C1GALT1: variants seen among roughly 807,000 people sequenced by gnomAD.
C1GALT1 encodes glycoprotein-N-acetylgalactosamine 3-beta-galactosyltransferase 1.
In C1GALT1, 11 loss-of-function variants were observed where a neutral mutation model predicts 31.0. That is an observed-to-expected ratio of 0.36 (90% CI 0.22 to 0.59). C1GALT1 has a LOEUF of 0.59. Among genes scored for constraint, C1GALT1 ranks in the 20% least tolerant of loss-of-function variants. C1GALT1 has a pLI of 0.79. For missense variants in C1GALT1, 424 were observed against 425.2 expected, an observed-to-expected ratio of 1.00 and a Z score of 0.03; for synonymous variants, 175 against 143.6, an observed-to-expected ratio of 1.22 and a Z score of -1.56.
chr7:7,201,791 C>A (rs759386566), intron 1 of C1GALT1, among the ~76,000 whole-genome samples: 2 of 152,202 alleles, frequency 1.3e-5, no homozygotes, highest in Admixed American at 6.5e-5. Flanking sequence ...TCAGGTTTCA[C>A]GCTTCCCTAC....
chr7:7,169,543 T>C (rs114109562), intron 2 of C1GALT1, among the ~76,000 whole-genome samples: 3 of 128,410 alleles, frequency 2.3e-5, no homozygotes, highest in South Asian at 2.8e-4. Context: ...GGATATTTTG[T>C]TTTTTTTTTT....
At chr7:7,228,807 C>A (rs1251570596) in intron 1 of C1GALT1, among the ~76,000 whole-genome samples, 1 of 152,130 alleles carries the variant, frequency 6.6e-6, no homozygotes, top group Non-Finnish European at 1.5e-5. Flanking sequence ...TTACGTAACA[C>A]CAAGAAGTCA....
chr7:7,206,552 T>C (rs1781747235), intron 1 of C1GALT1, among the ~76,000 whole-genome samples: 1 of 152,038 alleles, frequency 6.6e-6, no homozygotes, highest in African/African-American at 2.4e-5. Context: ...GGCATACTGC[T>C]GTAATCCCAG....
In C1GALT1 at chr7:7,248,442, AATT is replaced by A. The variant is rs1431891208; in HGVS notation, c.*4719_*4721del. 6.6e-6 allele frequency: 1 copy of A among 152,020 alleles called. No homozygotes were observed. The highest frequency in any genetic ancestry group is 2.4e-5 in the African/African-American group (1 of 41,434). 9.4% of individuals were successfully genotyped at this position (152,020 alleles called of 1,614,324 possible). Reference sequence around the variant, plus strand: ...GAATGTTCGTGTTTTGGAATTTAAAAATTATTTAAGGTAATGGTGTTACGAATG... The same window carrying A: ...GAATGTTCGTGTTTTGGAATTTAAAAATTTAAGGTAATGGTGTTACGAATG... On this transcript the variant is annotated 3_prime_UTR_variant, in exon 4 of 4. Transcript: ENST00000436587.
At chr7:7,212,506 C>G (rs1253651326) in intron 1 of C1GALT1, among the ~76,000 whole-genome samples, 2 of 152,096 alleles carry the variant, frequency 1.3e-5, no homozygotes, top group Non-Finnish European at 2.9e-5. Flanking sequence ...TATAGAGGAA[C>G]CAGGTGGGGA....
chr7:7,164,457 T>A (rs1192041019), intron 2 of C1GALT1, among the ~76,000 whole-genome samples: 2 of 152,164 alleles, frequency 1.3e-5, no homozygotes, highest in Non-Finnish European at 2.9e-5. Flanking sequence ...ACAGCTCTCC[T>A]CTTGCTTTAC....
Position 7,244,459 on chromosome 7 carries a change from A to G in C1GALT1, c.*732A>G, listed in dbSNP as rs1336916337. On this transcript the variant is annotated 3_prime_UTR_variant, in exon 4 of 4. Transcript: ENST00000436587. Reference sequence around the variant, plus strand: ...TAGCCACTCTTGAATACCATTCTCCACTATTAACATTAATTTACTCAAACC... The same window carrying G: ...TAGCCACTCTTGAATACCATTCTCCGCTATTAACATTAATTTACTCAAACC... The G allele has an allele frequency of 3.3e-5, 5 of 152,098 alleles. No individual in the cohort carries two copies. The highest frequency in any genetic ancestry group is 1.2e-4 in the African/African-American group (5 of 41,414). The allele number at this position is 152,098 out of a possible 1,614,324, so 9.4% of individuals were successfully genotyped here.
At chr7:7,214,712 A>G (rs1583792910) in intron 1 of C1GALT1, among the ~76,000 whole-genome samples, 1 of 152,340 alleles carries the variant, frequency 6.6e-6, no homozygotes, top group African/African-American at 2.4e-5. Flanking sequence ...TTTGGTTTCC[A>G]GCCCCCAAGC....
intron 1 of C1GALT1, among the ~76,000 whole-genome samples, chr7:7,215,375 A>C (rs533691028): frequency 1.3e-5 from 2 of 152,230 alleles, no homozygotes; most frequent in Middle Eastern, 3.4e-3. Flanking sequence ...GATCCTTATT[A>C]TCCCTTTGCC....
chr7:7,232,453 G>A (rs1583825631), intron 1 of C1GALT1, among the ~76,000 whole-genome samples: 1 of 150,908 alleles, frequency 6.6e-6, no homozygotes, highest in Non-Finnish European at 1.5e-5. Context: ...ATTAGGTGAA[G>A]AGTTTGAGAA....
At chr7:7,179,292 T>A (rs1207535296), upstream of C1GALT1, among the ~76,000 whole-genome samples, 2 of 152,170 alleles carry the variant, frequency 1.3e-5, no homozygotes, top group Non-Finnish European at 2.9e-5. Flanking sequence ...TTTAATACAG[T>A]CCAAACTCAA....
At chr7:7,201,644 G>A (rs2128235836) in intron 1 of C1GALT1, among the ~76,000 whole-genome samples, 1 of 152,320 alleles carries the variant, frequency 6.6e-6, no homozygotes, top group East Asian at 1.9e-4. Context: ...CTCCCACAAA[G>A]CCCGAAAGGC....
intron 1 of C1GALT1, among the ~76,000 whole-genome samples, chr7:7,230,907 T>C (rs1367916201): frequency 1.3e-5 from 2 of 152,116 alleles, no homozygotes; most frequent in Non-Finnish European, 2.9e-5. Flanking sequence ...TGTGAGACTT[T>C]CAAAAAATGT....
intron 1 of C1GALT1, among the ~76,000 whole-genome samples, chr7:7,221,651 G>T (rs1430853424): frequency 6.6e-6 from 1 of 152,176 alleles, no homozygotes; most frequent in Non-Finnish European, 1.5e-5. Context: ...GTGATATATT[G>T]CTCAACCTCT....
intron 2 of C1GALT1, among the ~76,000 whole-genome samples, chr7:7,167,472 A>G (rs6976898): frequency 0.19 from 29,441 of 151,992 alleles, 3,440 homozygotes; most frequent in East Asian, 0.4. Flanking sequence ...AAATATATAA[A>G]CAATGATAAA....
chr7:7,183,732 C>A, intron 1 of C1GALT1: 1 of 372,902 alleles, frequency 2.7e-6, no homozygotes, highest in Non-Finnish European at 3.7e-6. Context: ...ACCCACACAT[C>A]CTGGAAAAAT....
At chr7:7,166,426 C>A (rs769649863) in intron 2 of C1GALT1, among the ~76,000 whole-genome samples, 4 of 152,062 alleles carry the variant, frequency 2.6e-5, no homozygotes, top group Non-Finnish European at 4.4e-5. Context: ...TGTATGATAT[C>A]ATTTTTATAA....
chr7:7,200,558 G>A (rs1004689070), intron 1 of C1GALT1, among the ~76,000 whole-genome samples: 2 of 152,112 alleles, frequency 1.3e-5, no homozygotes, highest in Admixed American at 6.5e-5. Flanking sequence ...GCTAGATTGG[G>A]GGGGTTCTCC....
intron 2 of C1GALT1, among the ~76,000 whole-genome samples, chr7:7,236,341 G>C (rs966778163): frequency 3.6e-4 from 54 of 152,108 alleles, no homozygotes; most frequent in Non-Finnish European, 6.6e-4. Flanking sequence ...GAATGAAACA[G>C]ATTGGGGATT....
Sources: allele counts gnomAD v4.1 joint callset (sites outside exome capture counted in the v4.1 genomes callset), GRCh38; gene constraint gnomAD v4.1.1; transcripts MANE v1.5; gene names NCBI Gene and HGNC (gene_info 2026-07-23, HGNC 2026-07-21).